SS18L1: variants seen among roughly 807,000 people sequenced by gnomAD.
SS18L1 encodes calcium-responsive transactivator.
In SS18L1, 32 loss-of-function variants were observed where a neutral mutation model predicts 70.3. The ratio of observed to expected loss-of-function variants is 0.46; its 90% CI spans 0.34 to 0.61. The LOEUF (loss-of-function observed/expected upper bound fraction) is 0.61. Among genes scored for constraint, SS18L1 ranks in the 20% least tolerant of loss-of-function variants. The pLI is 0.01. For synonymous variants in SS18L1, 237 were observed against 229.7 expected, an observed-to-expected ratio of 1.03 and a Z score of -0.29; for missense variants, 430 against 542.1, an observed-to-expected ratio of 0.79 and a Z score of 2.05.
intron 6 of SS18L1, 60 bp downstream of exon 6, chr20:62,163,682 A>G: frequency 2.0e-6 from 3 of 1,468,078 alleles, no homozygotes; most frequent in Non-Finnish European, 2.7e-6. Flanking sequence ...GTGAAGTGCC[A>G]GGCTGTGTGT....
intron 1 of SS18L1, chr20:62,154,175 G>A (rs996112213): frequency 1.0e-4 from 30 of 299,500 alleles, no homozygotes; most frequent in East Asian, 7.1e-4. Flanking sequence ...CAGTTGTCCC[G>A]GTAATGGCTT....
chr20:62,176,272 C>T (rs1161773276), intron 10 of SS18L1, among the ~76,000 whole-genome samples: 1 of 152,176 alleles, frequency 6.6e-6, no homozygotes, highest in East Asian at 1.9e-4. Context: ...AATCCCAGCA[C>T]TTTGGGAGGC....
chr20:62,168,809 G>A (rs767356935), intron 8 of SS18L1, among the ~76,000 whole-genome samples: 4 of 152,164 alleles, frequency 2.6e-5, no homozygotes, highest in Non-Finnish European at 4.4e-5. Context: ...GCAAGACCCT[G>A]TCTCAAAAAT....
In SS18L1 at chr20:62,147,119, A is replaced by G. The variant is rs1600983560; in HGVS notation, c.69+3230A>G. The stretch of plus-strand genomic sequence containing the variant: ...AGGGCTATCCCAGAGAAAGAGAACC[A>G]TGGGGCAGGGGCAGGGAGTCACAGA... On this transcript the variant is annotated intron_variant, in intron 1 of 10. Coordinates refer to ENST00000331758, the MANE Select transcript of SS18L1 (RefSeq NM_198935.3). Among the ~76,000 whole-genome samples, 3 of 152,260 alleles carry G rather than the reference A, an allele frequency of 2.0e-5. No homozygotes were observed. The South Asian group carries it at 6.2e-4, about 32-fold the overall frequency.
intron 10 of SS18L1, among the ~76,000 whole-genome samples, chr20:62,177,941 C>G (rs1018093195): frequency 1.1e-4 from 17 of 150,660 alleles, no homozygotes; most frequent in African/African-American, 3.9e-4. Flanking sequence ...AGGGTGGTCT[C>G]GAGCTCCTGA....
At chr20:62,152,419 G>A (rs186863353) in intron 1 of SS18L1, among the ~76,000 whole-genome samples, 153 of 152,294 alleles carry the variant, frequency 1.0e-3, no homozygotes, top group African/African-American at 3.5e-3. Flanking sequence ...TGTCCCCAGC[G>A]CCCTCACCTC....
chr20:62,146,509 G>A (rs1244040103), intron 1 of SS18L1, among the ~76,000 whole-genome samples: 2 of 151,762 alleles, frequency 1.3e-5, no homozygotes, highest in Admixed American at 1.3e-4. Context: ...AAGTCCAGGG[G>A]TCAGTTACCT....
rs752862888 is a variant in SS18L1, at chr20:62,162,945, CT to C, written c.556+15del. Reference sequence around the variant, plus strand: ...AGTCCAACCCAGGTACCTACTCTGCCTCTGCAACCCCGGGGGGCCTGGGCCT... The same window carrying C: ...AGTCCAACCCAGGTACCTACTCTGCCCTGCAACCCCGGGGGGCCTGGGCCT... On this transcript the variant is annotated intron_variant, in intron 5 of 10. Transcript: ENST00000331758. 1.1e-5 allele frequency: 17 copies of C among 1,610,046 alleles called. No individual in the cohort carries two copies. In the African/African-American group the frequency reaches 2.3e-4, roughly 22 times the overall value.
At chr20:62,176,635 T>C (rs2057624570) in intron 10 of SS18L1, among the ~76,000 whole-genome samples, 1 of 152,030 alleles carries the variant, frequency 6.6e-6, no homozygotes, top group Non-Finnish European at 1.5e-5. Flanking sequence ...GCCAACATGG[T>C]GAAACCCCAT....
rs1424361968 is a variant in SS18L1, at chr20:62,180,030, G to C, written c.*822G>C. On this transcript the variant is annotated 3_prime_UTR_variant, in exon 11 of 11. Transcript: ENST00000331758. ...GGCCCTCAGAGATTACTCTGGCTTT[G>C]ACCCTTGTTTAGCTGATGGTCATTT... 1 of 219,222 alleles carries C rather than the reference G, an allele frequency of 4.6e-6. No homozygotes were observed. The allele number at this position is 219,222 out of a possible 1,614,324, so 13.6% of individuals were successfully genotyped here.
chr20:62,158,755 G>T lies in SS18L1; in HGVS notation c.146+7G>T, dbSNP rs1303211141. 5.6e-6 allele frequency: 9 copies of T among 1,612,950 alleles called. No individual in the cohort carries two copies. The highest frequency in any genetic ancestry group is 7.6e-6 in the Non-Finnish European group (9 of 1,180,006). ...AGACGGCCGAGTGCACGCAGTGAGT[G>T]CCCGCCATACACCGGAACACTTGGA... On this transcript the variant is annotated splice_region_variant and intron_variant, in intron 2 of 10. Coordinates refer to ENST00000331758, the MANE Select transcript of SS18L1 (RefSeq NM_198935.3). The surrounding 1 kb of genome is among the most constrained non-coding windows in gnomAD (Gnocchi z 4.5).
chr20:62,161,601 G>A lies in SS18L1; in HGVS notation c.376+21G>A, dbSNP rs766454852. On this transcript the variant is annotated intron_variant, in intron 4 of 10. Coordinates refer to ENST00000331758, the MANE Select transcript of SS18L1 (RefSeq NM_198935.3). The surrounding 1 kb of genome is among the most constrained non-coding windows in gnomAD (Gnocchi z 4.4). The stretch of plus-strand genomic sequence containing the variant: ...CAACGGTGAGTGCGGCGGGGGAGGA[G>A]GACGTTCCTGGCTACGAGGCCACCA... 3 of 1,593,478 alleles carry A rather than the reference G, an allele frequency of 1.9e-6. No homozygotes were observed. Among genetic ancestry groups the A allele is most frequent in the East Asian group, 4.5e-5 (2 of 44,294 alleles).
chr20:62,156,994 C>T (rs953067768), intron 1 of SS18L1, among the ~76,000 whole-genome samples: 1 of 152,234 alleles, frequency 6.6e-6, no homozygotes, highest in Non-Finnish European at 1.5e-5. Context: ...CAGACAGAGG[C>T]AGCTGGTCAC....
rs1225556802 is a variant in SS18L1, at chr20:62,158,213, GGCTGGGGGCT to G, written c.70-449_70-440del. On this transcript the variant is annotated intron_variant, in intron 1 of 10. Coordinates refer to ENST00000331758, the MANE Select transcript of SS18L1 (RefSeq NM_198935.3). The surrounding 1 kb of genome is among the most constrained non-coding windows in gnomAD (Gnocchi z 4.5). ...GCCCTGGAAGCTGGAGGGTCCTTCG[GGCTGGGGGCT>G]GCTGGGGGCACGGGGCCTCTGTGTT... Among the ~76,000 whole-genome samples the G allele has an allele frequency of 6.6e-6, 1 of 152,072 alleles. No homozygotes were observed. Among genetic ancestry groups the G allele is most frequent in the Non-Finnish European group, 1.5e-5 (1 of 68,026 alleles).
chr20:62,174,019 A>C lies in SS18L1; in HGVS notation c.1037-498A>C, dbSNP rs868037361. ...GGGTGACAGAGTGACACCCTGCCTAAAAAAAAAAAAAAAAATTGGCCTCTA... is the reference window on the plus strand; with the variant it reads ...GGGTGACAGAGTGACACCCTGCCTACAAAAAAAAAAAAAAATTGGCCTCTA... On this transcript the variant is annotated intron_variant, in intron 9 of 10. Transcript: ENST00000331758. This position sits in a 1 kb window ranked among gnomAD's most constrained non-coding sequence, Gnocchi z 4.1. Among the ~76,000 whole-genome samples, 10,924 of 146,128 alleles carry C rather than the reference A, an allele frequency of 0.075. 469 individuals are homozygous for C. The highest frequency in any genetic ancestry group is 0.2 in the South Asian group (929 of 4,674).
In SS18L1 at chr20:62,158,358, C is replaced by T. The variant is rs2057260667; in HGVS notation, c.70-314C>T. ...GAGGCAATGCACGTAACGACAGTTT[C>T]GTATACAGAACAGGCGTAGCATCCG... On this transcript the variant is annotated intron_variant, in intron 1 of 10. Transcript: ENST00000331758. This position sits in a 1 kb window ranked among gnomAD's most constrained non-coding sequence, Gnocchi z 4.5. Among the ~76,000 whole-genome samples the T allele has an allele frequency of 6.6e-6, 1 of 151,424 alleles. No individual in the cohort carries two copies. Among genetic ancestry groups the T allele is most frequent in the African/African-American group, 2.4e-5 (1 of 41,150 alleles).
chr20:62,165,422 G>A lies in SS18L1; in HGVS notation c.824G>A (p.Gly275Asp). The change falls in exon 8 of 11, where the codon GGC (glycine) becomes GAC (aspartate). Residue 275 changes from glycine (G) to aspartate (D), a missense_variant and splice_region_variant. Coordinates refer to ENST00000331758, the MANE Select transcript of SS18L1 (RefSeq NM_198935.3). ...EPMGQQYYPD[G>D]HGDYAYQQSS... is the part of the protein sequence containing the mutation. ...CTGTCGCCGTCTCCGTTTCGCACAG[G>A]CCATGGCGATTACGCCTACCAGCAG... The A allele has an allele frequency of 6.2e-7, 1 of 1,611,348 alleles. No individual in the cohort carries two copies. Among genetic ancestry groups the A allele is most frequent in the African/African-American group, 1.3e-5 (1 of 75,002 alleles).
rs1342066390 is a variant in SS18L1 at position 62,162,854 on chromosome 20, A to G, written c.479A>G (p.Gln160Arg). Residue 160 changes from glutamine to arginine, a missense_variant, in exon 5 of 11, where the codon CAG becomes CGG. Transcript: ENST00000331758. ...PGYSHAGPASQGVPMQGQGTI... is the reference protein window; with the variant it reads ...PGYSHAGPASRGVPMQGQGTI... ...TACAGCCACGCGGGACCCGCCTCGC[A>G]GGGCGTCCCCATGCAGGGGCAAGGC... is the stretch of plus-strand genomic sequence containing the variant. The G allele has an allele frequency of 2.5e-6, 4 of 1,612,908 alleles. No individual in the cohort carries two copies. The highest frequency in any genetic ancestry group is 2.5e-6 in the Non-Finnish European group (3 of 1,179,956).
Position 62,174,716 on chromosome 20 carries a change from T to C in SS18L1, c.1164+72T>C, listed in dbSNP as rs766593009. Reference sequence around the variant, plus strand: ...CGAGACATAATGAAGATTTCTCTTATGGCCATGAGGAATAATGAGCTGGAA... The same window carrying C: ...CGAGACATAATGAAGATTTCTCTTACGGCCATGAGGAATAATGAGCTGGAA... On this transcript the variant is annotated intron_variant, in intron 10 of 10. Coordinates refer to ENST00000331758, the MANE Select transcript of SS18L1 (RefSeq NM_198935.3). This position sits in a 1 kb window ranked among gnomAD's most constrained non-coding sequence, Gnocchi z 4.1. 13 of 1,611,650 alleles carry C rather than the reference T, an allele frequency of 8.1e-6. No individual in the cohort carries two copies. The highest frequency in any genetic ancestry group is 2.7e-5 in the African/African-American group (2 of 74,932).
Sources: allele counts gnomAD v4.1 joint callset (sites outside exome capture counted in the v4.1 genomes callset), GRCh38; gene constraint gnomAD v4.1.1; non-coding constraint Gnocchi (gnomAD v3.1); transcripts MANE v1.5; gene names NCBI Gene and HGNC (gene_info 2026-07-23, HGNC 2026-07-21).